The following PLXNA4 variants were observed in gnomAD, a reference collection of about 807,000 sequenced individuals.
PLXNA4 encodes plexin-A4.
In PLXNA4, 44 loss-of-function variants were observed where a neutral mutation model predicts 191.8. That is an observed-to-expected ratio of 0.23 (90% CI 0.18 to 0.29). PLXNA4 has a LOEUF of 0.29. PLXNA4 is among the 10% of genes least tolerant of loss of function. The pLI is 1.00. For missense variants in PLXNA4, 1,800 were observed against 2,488.8 expected (o/e 0.72, Z 5.89); for synonymous variants, 1,082 against 1,009.5 (o/e 1.07, Z -1.36).
chr7:132,207,247 C>A (rs181958833), intron 10 of PLXNA4, among the ~76,000 whole-genome samples: 15 of 152,340 alleles, frequency 9.8e-5, no homozygotes, highest in Admixed American at 2.6e-4. Flanking sequence ...AGTTCTCTTC[C>A]TATTGCTTCC....
At chr7:132,327,374 AG>A in intron 3 of PLXNA4, among the ~76,000 whole-genome samples, 1 of 152,278 alleles carries the variant, frequency 6.6e-6, no homozygotes, top group Non-Finnish European at 1.5e-5. Flanking sequence ...TTAAATATAT[AG>A]ATTTTTTAAG....
At chr7:132,277,148 C>T (rs529265499) in intron 4 of PLXNA4, among the ~76,000 whole-genome samples, 141 of 152,226 alleles carry the variant, frequency 9.3e-4, no homozygotes, top group African/African-American at 2.9e-3. Flanking sequence ...TCCAGAAACA[C>T]GGGGTTGCTT....
chr7:132,386,161 C>T (rs537302860), intron 3 of PLXNA4, among the ~76,000 whole-genome samples: 1 of 152,300 alleles, frequency 6.6e-6, no homozygotes, highest in Non-Finnish European at 1.5e-5. Context: ...TTGAAACAAG[C>T]ACCAGAGGTG....
chr7:132,393,262 G>A (rs1226846435), intron 3 of PLXNA4, among the ~76,000 whole-genome samples: 1 of 113,490 alleles, frequency 8.8e-6, no homozygotes, highest in Non-Finnish European at 1.7e-5. Context: ...CCCCATTCTA[G>A]GCTCCTACAG....
At chr7:132,357,959 C>T (rs1177478983) in intron 3 of PLXNA4, among the ~76,000 whole-genome samples, 1 of 152,168 alleles carries the variant, frequency 6.6e-6, no homozygotes, top group South Asian at 2.1e-4. Flanking sequence ...AAATCCATGC[C>T]AGAAAGCAGG....
chr7:132,515,278 G>A (rs1282206861), intron 1 of PLXNA4, among the ~76,000 whole-genome samples: 1 of 152,196 alleles, frequency 6.6e-6, no homozygotes, highest in African/African-American at 2.4e-5. Flanking sequence ...CTAAGCCAAA[G>A]GATAGAGAGT....
intron 3 of PLXNA4, among the ~76,000 whole-genome samples, chr7:132,381,616 A>G (rs562620068): frequency 6.6e-6 from 1 of 152,384 alleles, no homozygotes; most frequent in South Asian, 2.1e-4. Flanking sequence ...AACATCTGGC[A>G]TGGATATTAA....
intron 3 of PLXNA4, among the ~76,000 whole-genome samples, chr7:132,432,739 G>A (rs1795313498): frequency 6.6e-6 from 1 of 152,032 alleles, no homozygotes; most frequent in East Asian, 1.9e-4. Flanking sequence ...GAATAAAAGT[G>A]AAAAAAATCT....
chr7:132,235,029 G>T lies in PLXNA4; in HGVS notation c.1604+6037C>A, dbSNP rs555914610. On this transcript the variant is annotated intron_variant, in intron 5 of 31. Transcript: ENST00000321063. ...AGGGCTTGCATTTTGCAATCAGCTT[G>T]TGTGTCATTAAGTGGACATTGGCAT... Among the ~76,000 whole-genome samples the T allele has an allele frequency of 1.1e-4, 16 of 152,364 alleles. No homozygotes were observed. The East Asian group carries it at 2.3e-3, about 22-fold the overall frequency.
intron 3 of PLXNA4, among the ~76,000 whole-genome samples, chr7:132,359,118 C>T (rs1252297870): frequency 6.6e-6 from 1 of 151,694 alleles, no homozygotes; most frequent in Non-Finnish European, 1.5e-5. Context: ...TACAAAGAGA[C>T]TCAAAGTTAG....
chr7:132,335,232 G>A (rs1802769223), intron 3 of PLXNA4, among the ~76,000 whole-genome samples: 1 of 152,162 alleles, frequency 6.6e-6, no homozygotes, highest in African/African-American at 2.4e-5. Flanking sequence ...GGGCTCGTGA[G>A]CCATATCAGA....
chr7:132,349,266 C>T (rs1803384287), intron 3 of PLXNA4, among the ~76,000 whole-genome samples: 2 of 152,156 alleles, frequency 1.3e-5, no homozygotes, highest in South Asian at 2.1e-4. Flanking sequence ...TGTATAGAAG[C>T]CACGTCACTC....
intron 3 of PLXNA4, among the ~76,000 whole-genome samples, chr7:132,359,819 T>C (rs1468242626): frequency 6.6e-6 from 1 of 152,138 alleles, no homozygotes; most frequent in East Asian, 1.9e-4. Context: ...AAAAAAGATA[T>C]TTGAGAGACT....
intron 3 of PLXNA4, among the ~76,000 whole-genome samples, chr7:132,399,228 C>T (rs796870593): frequency 7.2e-5 from 11 of 152,336 alleles, no homozygotes; most frequent in African/African-American, 2.2e-4. Context: ...CAGCATCACA[C>T]TGGTCACCAA....
intron 4 of PLXNA4, among the ~76,000 whole-genome samples, chr7:132,265,072 C>T (rs981807888): frequency 6.6e-5 from 10 of 152,140 alleles, no homozygotes; most frequent in Non-Finnish European, 1.5e-4. Flanking sequence ...ACGACAAATG[C>T]AACAAGCAAT....
At chr7:132,617,776 C>T (rs1426623175) in intron 2 of PLXNA4, among the ~76,000 whole-genome samples, 1 of 152,160 alleles carries the variant, frequency 6.6e-6, no homozygotes, top group Non-Finnish European at 1.5e-5. Context: ...TCTCTTAAAC[C>T]TGATATATGA....
chr7:132,397,047 A>G (rs1793795470), intron 3 of PLXNA4, among the ~76,000 whole-genome samples: 1 of 152,234 alleles, frequency 6.6e-6, no homozygotes, highest in African/African-American at 2.4e-5. Context: ...GGCTGGGGAC[A>G]TCACACCACC....
intron 2 of PLXNA4, among the ~76,000 whole-genome samples, chr7:132,626,293 T>G (rs1803371423): frequency 6.6e-6 from 1 of 152,232 alleles, no homozygotes; most frequent in African/African-American, 2.4e-5. Context: ...CAGCCCAGAT[T>G]CCCTCTCAAT....
At chr7:132,388,397 G>A (rs925613719) in intron 3 of PLXNA4, among the ~76,000 whole-genome samples, 4 of 152,102 alleles carry the variant, frequency 2.6e-5, no homozygotes, top group Non-Finnish European at 5.9e-5. Context: ...TTGTGTCCCT[G>A]CCTGAGAGTA....
Sources: gnomAD v4.1 joint callset for allele counts (sites outside exome capture counted in the v4.1 genomes callset) on GRCh38, gnomAD v4.1.1 for gene constraint, MANE v1.5 for transcripts, NCBI Gene and HGNC (gene_info 2026-07-23, HGNC 2026-07-21) for gene names.